Variants in AK7 observed in about 807,000 individuals in gnomAD.
AK7 encodes the protein adenylate kinase 7.
Under a neutral mutation model 96.6 loss-of-function variants are expected in AK7, and 78 were observed. That is an observed-to-expected ratio of 0.81 (90% CI 0.67 to 0.97). AK7 has a LOEUF of 0.97. Ranked by LOEUF, AK7 falls within the 50% of genes least tolerant of loss-of-function variation. The pLI, the probability that AK7 is intolerant of heterozygous loss-of-function variation, is 0.00. For synonymous variants in AK7, 302 were observed against 317.2 expected, an observed-to-expected ratio of 0.95 and a Z score of 0.51; for missense variants, 855 against 887.9, an observed-to-expected ratio of 0.96 and a Z score of 0.47.
chr14:96,428,391 CTT>C (rs1892154962), intron 5 of AK7, among the ~76,000 whole-genome samples: 1 of 152,146 alleles, frequency 6.6e-6, no homozygotes, highest in Non-Finnish European at 1.5e-5. Context: ...GGTTCCGAGT[CTT>C]TGCTATTGTA....
intron 12 of AK7, among the ~76,000 whole-genome samples, chr14:96,464,670 C>G (rs1271945046): frequency 6.6e-6 from 1 of 151,444 alleles, no homozygotes; most frequent in Non-Finnish European, 1.5e-5. Flanking sequence ...CATAAGTATG[C>G]TATGTTACTA....
At chr14:96,428,199 T>A (rs1362485634) in intron 5 of AK7, among the ~76,000 whole-genome samples, 1 of 151,666 alleles carries the variant, frequency 6.6e-6, no homozygotes, top group Non-Finnish European at 1.5e-5. Flanking sequence ...CACTTATGAG[T>A]GAGAACATGT....
In AK7 at chr14:96,472,775, AT is replaced by A. The variant is rs768385683; in HGVS notation, c.1555+21del. The A allele has an allele frequency of 6.3e-7, 1 of 1,593,098 alleles. No homozygotes were observed. The highest frequency in any genetic ancestry group is 1.7e-4 in the Middle Eastern group (1 of 5,994). On this transcript the variant is annotated intron_variant, in intron 14 of 17. Transcript: ENST00000267584. ...TACCTGGTAAGTTTATTTCCCTAAGATCACATTTAAAAGAATGTTCTCTGGG... is the reference window on the plus strand; with the variant it reads ...TACCTGGTAAGTTTATTTCCCTAAGACACATTTAAAAGAATGTTCTCTGGG...
chr14:96,474,195 C>T (rs190645138), intron 14 of AK7, among the ~76,000 whole-genome samples: 20 of 152,220 alleles, frequency 1.3e-4, no homozygotes, highest in Admixed American at 3.3e-4. Flanking sequence ...ATCAAGTCCC[C>T]GAGGAAGGCA....
intron 1 of AK7, among the ~76,000 whole-genome samples, chr14:96,396,174 T>C (rs1890073107): frequency 6.6e-6 from 1 of 152,240 alleles, no homozygotes; most frequent in Non-Finnish European, 1.5e-5. Context: ...CCCAAAGTGC[T>C]GGGATTATAG....
At chr14:96,443,562 G>A (rs1370815088) in intron 7 of AK7, among the ~76,000 whole-genome samples, 1 of 152,110 alleles carries the variant, frequency 6.6e-6, no homozygotes, top group African/African-American at 2.4e-5. Context: ...AATGAAGGAA[G>A]TTTAAACTTC....
At chr14:96,449,667 C>T (rs896438761) in intron 8 of AK7, 135 bp from the exon 9 acceptor site, 11 of 603,038 alleles carry the variant, frequency 1.8e-5, no homozygotes, top group South Asian at 9.5e-5. Flanking sequence ...CTCCTGATTA[C>T]GGGTGATCCG....
chr14:96,413,997 C>G (rs1891185790), intron 4 of AK7, among the ~76,000 whole-genome samples: 1 of 152,166 alleles, frequency 6.6e-6, no homozygotes, highest in African/African-American at 2.4e-5. Context: ...CGATGATTGG[C>G]TAAGGGGTGG....
intron 1 of AK7, among the ~76,000 whole-genome samples, chr14:96,397,242 A>G (rs928221680): frequency 2.0e-5 from 3 of 152,186 alleles, no homozygotes; most frequent in Non-Finnish European, 4.4e-5. Context: ...TGCATTAAAT[A>G]CCACAGCATT....
chr14:96,487,907 TTTATTTATTTA>T, intron 17 of AK7: 1 of 291,516 alleles, frequency 3.4e-6, no homozygotes, highest in African/African-American at 2.3e-5. Context: ...CTTTTACTTA[TTTATTTATTTA>T]TTATTTATTT....
chr14:96,408,733 G>C (rs970555657), intron 3 of AK7, 114 bp from the exon 4 acceptor site: 1 of 829,312 alleles, frequency 1.2e-6, no homozygotes, highest in Non-Finnish European at 2.0e-6. Flanking sequence ...AGAAGCATCA[G>C]AGGTAACAGC....
intron 9 of AK7, 77 bp downstream of exon 9, chr14:96,449,956 G>T: frequency 1.7e-6 from 2 of 1,183,088 alleles, no homozygotes; most frequent in Non-Finnish European, 2.4e-6. Context: ...TTTAATATCA[G>T]ATAGGTTTTG....
chr14:96,402,003 C>T (rs1890436441), intron 2 of AK7, among the ~76,000 whole-genome samples: 1 of 152,152 alleles, frequency 6.6e-6, no homozygotes, highest in Non-Finnish European at 1.5e-5. Flanking sequence ...TGAAGAGCAG[C>T]CTGTTATGTT....
intron 8 of AK7, 135 bp from the exon 9 acceptor site, chr14:96,449,667 C>A (rs896438761): frequency 3.3e-6 from 2 of 603,156 alleles, no homozygotes; most frequent in Non-Finnish European, 6.0e-6. Flanking sequence ...CTCCTGATTA[C>A]GGGTGATCCG....
intron 10 of AK7, among the ~76,000 whole-genome samples, chr14:96,453,886 CT>C (rs1893742859): frequency 6.6e-6 from 1 of 152,120 alleles, no homozygotes; most frequent in African/African-American, 2.4e-5. Flanking sequence ...GTTCTCAGGC[CT>C]TGGTGAATGC....
rs1890554678 is a variant in AK7, at chr14:96,403,908, G to A, written c.295-849G>A. Among the ~76,000 whole-genome samples the A allele has an allele frequency of 2.6e-5, 4 of 152,162 alleles. No individual in the cohort carries two copies. The South Asian group carries it at 8.3e-4, about 32-fold the overall frequency. The stretch of plus-strand genomic sequence containing the variant: ...GCCTGTAATCCCAACCTTTTGGGAG[G>A]CCAAGGTGGGCAGATCACCAGAGGT... On this transcript the variant is annotated intron_variant, in intron 2 of 17. Transcript: ENST00000267584.
At chr14:96,428,365 G>A (rs1019328759) in intron 5 of AK7, among the ~76,000 whole-genome samples, 2 of 152,100 alleles carry the variant, frequency 1.3e-5, no homozygotes, top group Non-Finnish European at 2.9e-5. Flanking sequence ...GTTTATCATT[G>A]ATGGACATTT....
In AK7 at chr14:96,437,822, T is replaced by G; in HGVS notation, c.610-13T>G. The stretch of plus-strand genomic sequence containing the variant: ...TTACATCCAGCTTTTTTTTTCTGTA[T>G]TTTATCTAATAGGCCAGAAAATTTG... On this transcript the variant is annotated splice_polypyrimidine_tract_variant and intron_variant, in intron 5 of 17. Coordinates refer to ENST00000267584, the MANE Select transcript of AK7 (RefSeq NM_152327.5). 6.3e-7 allele frequency: 1 copy of G among 1,596,994 alleles called. No individual in the cohort carries two copies. The highest frequency in any genetic ancestry group is 2.2e-5 in the East Asian group (1 of 44,688).
rs984327207 is a variant in AK7, at chr14:96,441,455, A to G, written c.691-1275A>G. 3.3e-5 allele frequency among the ~76,000 whole-genome samples: 5 copies of G among 152,134 alleles called. No individual in the cohort carries two copies. In the East Asian group the frequency reaches 7.8e-4, roughly 24 times the overall value. ...GGAGTTCGAGACCAGCCTGGCCAAC[A>G]TGGTGAAATCCCATCTCTATTAAAA... On this transcript the variant is annotated intron_variant, in intron 6 of 17. Coordinates refer to ENST00000267584, the MANE Select transcript of AK7 (RefSeq NM_152327.5).
Sources: gnomAD v4.1 joint callset for allele counts (sites outside exome capture counted in the v4.1 genomes callset) on GRCh38, gnomAD v4.1.1 for gene constraint, MANE v1.5 for transcripts, NCBI Gene and HGNC (gene_info 2026-07-23, HGNC 2026-07-21) for gene names.